The following TBC1D9B variants were observed in gnomAD, a reference collection of about 807,000 sequenced individuals.
TBC1D9B encodes the protein TBC1 domain family member 9B, also known as TBC1 domain family, member 9B (with GRAM domain).
TBC1D9B carries 87 observed loss-of-function variants against 121.1 expected under a neutral mutation model. The ratio of observed to expected loss-of-function variants is 0.72; its 90% confidence interval spans 0.60 to 0.86. The LOEUF (loss-of-function observed/expected upper bound fraction) is 0.86. Ranked by LOEUF, TBC1D9B falls within the 40% of genes least tolerant of loss-of-function variation. The pLI is 0.00. For missense variants in TBC1D9B, 1,540 were observed against 1,628.6 expected, an observed-to-expected ratio of 0.95 and a Z score of 0.94; for synonymous variants, 668 against 670.1, an observed-to-expected ratio of 1.00 and a Z score of 0.05.
intron 10 of TBC1D9B, among the ~76,000 whole-genome samples, chr5:179,877,310 G>C (rs1432337982): frequency 6.6e-6 from 1 of 151,532 alleles, no homozygotes; most frequent in Non-Finnish European, 1.5e-5. Context: ...AGACCAGCCT[G>C]GACAACATAG....
chr5:179,878,811 G>A (rs1419609996), intron 9 of TBC1D9B, among the ~76,000 whole-genome samples: 1 of 152,198 alleles, frequency 6.6e-6, no homozygotes, highest in African/African-American at 2.4e-5. Flanking sequence ...GTGGGCGGGA[G>A]GGCACCACCC....
chr5:179,878,798 G>A (rs1020277234), intron 9 of TBC1D9B, among the ~76,000 whole-genome samples: 4 of 152,196 alleles, frequency 2.6e-5, no homozygotes, highest in African/African-American at 7.2e-5. Context: ...TTTCCCTCCC[G>A]CTGTGGGCGG....
rs746296457 is a variant in TBC1D9B at position 179,865,249 on chromosome 5, C to T, written c.3021+5G>A. 1 of 1,614,016 alleles carries T rather than the reference C, an allele frequency of 6.2e-7. No individual in the cohort carries two copies. The highest frequency in any genetic ancestry group is 2.2e-5 in the East Asian group (1 of 44,864). ...ATGTCTACTGTGGGCTCCAGTGGAG[C>T]CTACCTGGTTCATCTTGGGAAGATC... On this transcript the variant is annotated splice_donor_5th_base_variant and intron_variant, in intron 20 of 20. Coordinates refer to ENST00000355235, the MANE Select transcript of TBC1D9B (RefSeq NM_015043.4). This position sits in a 1 kb window ranked among gnomAD's most constrained non-coding sequence, Gnocchi z 5.1.
Position 179,891,210 on chromosome 5 carries a change from C to G in TBC1D9B, c.1044+169G>C, listed in dbSNP as rs1760851468. On this transcript the variant is annotated intron_variant, in intron 6 of 20. Coordinates refer to ENST00000355235, the MANE Select transcript of TBC1D9B (RefSeq NM_015043.4). This position sits in a 1 kb window ranked among gnomAD's most constrained non-coding sequence, Gnocchi z 4.3. ...GGTGCCTGTGGAGGGGCTCACTTGT[C>G]CTACACCCTCCACCTGTCCCATCAC... Among the ~76,000 whole-genome samples the G allele has an allele frequency of 2.0e-5, 3 of 152,218 alleles. No homozygotes were observed. The highest frequency in any genetic ancestry group is 2.0e-4 in the Admixed American group (3 of 15,290).
chr5:179,899,123 G>A, intron 3 of TBC1D9B, 66 bp downstream of exon 3: 1 of 1,340,178 alleles, frequency 7.5e-7, no homozygotes, highest in Non-Finnish European at 1.1e-6. Flanking sequence ...AGATGAAATA[G>A]GATAATACAC....
chr5:179,891,700 C>A lies in TBC1D9B; in HGVS notation c.837-114G>T. The A allele has an allele frequency of 8.3e-7, 1 of 1,201,152 alleles. No individual in the cohort carries two copies. Among genetic ancestry groups the A allele is most frequent in the East Asian group, 2.4e-5 (1 of 40,848 alleles). The allele number at this position is 1,201,152 out of a possible 1,614,324, so 74.4% of individuals were successfully genotyped here. ...TGTTTCCACATCAGATTCAGGATCC[C>A]TGGGGTGGTCCCTTGAGCAAGTCAT... On this transcript the variant is annotated intron_variant, in intron 5 of 20. Transcript: ENST00000355235. This position sits in a 1 kb window ranked among gnomAD's most constrained non-coding sequence, Gnocchi z 4.3.
chr5:179,867,411 G>A, intron 18 of TBC1D9B: 1 of 1,545,992 alleles, frequency 6.5e-7, no homozygotes, highest in Non-Finnish European at 8.7e-7. Context: ...GTGTTAGGAG[G>A]TACAGGGGGC....
chr5:179,904,865 C>CCT lies in TBC1D9B; in HGVS notation c.119-54_119-53insAG. 1 of 1,403,446 alleles carries CCT rather than the reference C, an allele frequency of 7.1e-7. No individual in the cohort carries two copies. The highest frequency in any genetic ancestry group is 9.7e-7 in the Non-Finnish European group (1 of 1,033,418). The allele number at this position is 1,403,446 out of a possible 1,614,324, so 86.9% of individuals were successfully genotyped here. A position where few individuals can be genotyped will look rare whatever the true frequency, so the allele number is the denominator to read the frequency against. ...GGTGAGGGGAGGGCCGGACTGAGGC[C>CCT]CCTGAAGGCTGAGTCTGGCCGGAGG... On this transcript the variant is annotated intron_variant, in intron 1 of 20. Transcript: ENST00000355235. This position sits in a 1 kb window ranked among gnomAD's most constrained non-coding sequence, Gnocchi z 4.2.
chr5:179,899,457 G>A, intron 2 of TBC1D9B, 150 bp from the exon 3 acceptor site: 1 of 637,270 alleles, frequency 1.6e-6, no homozygotes, highest in Middle Eastern at 2.9e-4. Context: ...TAAGCTGATG[G>A]ATATGTGCAT....
chr5:179,907,338 G>A lies in TBC1D9B; in HGVS notation c.118+366C>T, dbSNP rs1047929930. On this transcript the variant is annotated intron_variant, in intron 1 of 20. Coordinates refer to ENST00000355235, the MANE Select transcript of TBC1D9B (RefSeq NM_015043.4). The surrounding 1 kb of genome is among the most constrained non-coding windows in gnomAD (Gnocchi z 5.3). The stretch of plus-strand genomic sequence containing the variant: ...TGGGGAAACTGAGGTGGAGGATGAG[G>A]ACAGGGCGGTCTCGCCAACTTTCGG... Among the ~76,000 whole-genome samples the A allele has an allele frequency of 5.3e-5, 8 of 152,110 alleles. No homozygotes were observed. In the South Asian group the frequency reaches 1.2e-3, roughly 24 times the overall value.
At chr5:179,879,534 CCT>C in intron 8 of TBC1D9B, 92 bp downstream of exon 8, 1 of 1,593,542 alleles carries the variant, frequency 6.3e-7, no homozygotes, top group South Asian at 1.1e-5. Flanking sequence ...AGCCCAGGGC[CCT>C]GAGGGAAGGC....
At chr5:179,881,098 A>G (rs942511017) in intron 7 of TBC1D9B, among the ~76,000 whole-genome samples, 13 of 151,970 alleles carry the variant, frequency 8.6e-5, no homozygotes, top group African/African-American at 2.9e-4. Context: ...GCGTGCAGCC[A>G]ACGTGTGCTC....
At position 179,879,264 on chromosome 5, in the gene TBC1D9B, C is replaced by T. The variant is rs1055959884; in HGVS notation, c.1417-67G>A. On this transcript the variant is annotated intron_variant, in intron 8 of 20. Coordinates refer to ENST00000355235, the MANE Select transcript of TBC1D9B (RefSeq NM_015043.4). The stretch of plus-strand genomic sequence containing the variant: ...ATCTGAGTGCCGAGGCCTAGGCCAC[C>T]GCGGAAGCCTCGTGAACACTCCAGA... The T allele has an allele frequency of 6.9e-5, 106 of 1,545,632 alleles. No homozygotes were observed. The Middle Eastern group carries it at 8.5e-4, about 12-fold the overall frequency.
chr5:179,881,033 C>T (rs896241838), intron 7 of TBC1D9B, among the ~76,000 whole-genome samples: 7 of 152,074 alleles, frequency 4.6e-5, no homozygotes, highest in African/African-American at 1.4e-4. Flanking sequence ...GGGTGTGTGG[C>T]GTGCAGCAGA....
Position 179,865,310 on chromosome 5 carries a change from C to T in TBC1D9B, c.2965G>A (p.Ala989Thr), listed in dbSNP as rs1450479785. 6 of 1,614,102 alleles carry T rather than the reference C, an allele frequency of 3.7e-6. No individual in the cohort carries two copies. Among genetic ancestry groups the T allele is most frequent in the Admixed American group, 1.7e-5 (1 of 60,022 alleles). The part of the protein sequence containing the change: ...PDYRHYLRMW[A>T]KEKEAQKETI... ...TCCTTCTGAGCCTCTTTCTCCTTGGCCCACATTCGAAGGTAGTGCCGATAG... is the reference window on the plus strand; with the variant it reads ...TCCTTCTGAGCCTCTTTCTCCTTGGTCCACATTCGAAGGTAGTGCCGATAG... Residue 989 changes from alanine (A) to threonine (T), a missense_variant, in exon 20 of 21, where the codon GCC (alanine) becomes ACC (threonine). Ala to Thr is a moderately conservative substitution (Grantham distance 58). Coordinates refer to ENST00000355235, the MANE Select transcript of TBC1D9B (RefSeq NM_015043.4). The surrounding 1 kb of genome is among the most constrained non-coding windows in gnomAD (Gnocchi z 5.1).
intron 14 of TBC1D9B, 33 bp downstream of exon 14, chr5:179,872,859 C>CCCCCCCCCCCCCCCCCCCCCG: frequency 6.4e-7 from 1 of 1,551,188 alleles, no homozygotes; most frequent in Non-Finnish European, 8.8e-7. Context: ...CCCCCCCAGC[C>CCCCCCCCCCCCCCCCCCCCCG]CAGCCCCTGC....
chr5:179,890,381 C>G lies in TBC1D9B; in HGVS notation c.1044+998G>C, dbSNP rs924791016. Among the ~76,000 whole-genome samples, 1 of 152,174 alleles carries G rather than the reference C, an allele frequency of 6.6e-6. No homozygotes were observed. The highest frequency in any genetic ancestry group is 1.5e-5 in the Non-Finnish European group (1 of 68,032). ...GGCAGGAGAAATCCAAACGGAGCCT[C>G]AGGTGTCAGGAAGACCCCTAGGCCT... On this transcript the variant is annotated intron_variant, in intron 6 of 20. Transcript: ENST00000355235. The surrounding 1 kb of genome is among the most constrained non-coding windows in gnomAD (Gnocchi z 5.0).
Position 179,907,706 on chromosome 5 carries a change from G to C in TBC1D9B, c.116C>G (p.Thr39Arg). 13 of 1,156,234 alleles carry C rather than the reference G, an allele frequency of 1.1e-5. No individual in the cohort carries two copies. The highest frequency in any genetic ancestry group is 1.4e-5 in the Non-Finnish European group (13 of 917,112). 71.6% of individuals were successfully genotyped at this position (1,156,234 alleles called of 1,614,324 possible). ...RRGHGRGGGLTGLLVGTLDVV... is the reference protein window; with the variant it reads ...RRGHGRGGGLRGLLVGTLDVV... Reference sequence around the variant, plus strand: ...CCGGCCGCCCGCGCGCCTCTCACCCGTAAGGCCGCCGCCCCTGCCGTGGCC... The same window carrying C: ...CCGGCCGCCCGCGCGCCTCTCACCCCTAAGGCCGCCGCCCCTGCCGTGGCC... The change falls in exon 1 of 21, where the codon ACG (threonine) becomes AGG (arginine). Residue 39 changes from threonine to arginine, a missense_variant and splice_region_variant. Thr to Arg is a moderately conservative substitution (Grantham distance 71). Transcript: ENST00000355235. This position sits in a 1 kb window ranked among gnomAD's most constrained non-coding sequence, Gnocchi z 5.3.
At chr5:179,873,708 G>A (rs898859020) in intron 12 of TBC1D9B, among the ~76,000 whole-genome samples, 1 of 152,170 alleles carries the variant, frequency 6.6e-6, no homozygotes, top group African/African-American at 2.4e-5. Context: ...AGCTTCTCTA[G>A]GGACACAGTC....
Sources: allele counts gnomAD v4.1 joint callset (sites outside exome capture counted in the v4.1 genomes callset), GRCh38; gene constraint gnomAD v4.1.1; non-coding constraint Gnocchi (gnomAD v3.1); transcripts MANE v1.5; gene names NCBI Gene and HGNC (gene_info 2026-07-23, HGNC 2026-07-21).